Variants in VIL1 observed in about 807,000 individuals in gnomAD.
VIL1 encodes villin 1.
A neutral mutation model predicts 104.0 loss-of-function variants in VIL1; 86 were observed. That is an observed-to-expected ratio of 0.83 (90% CI 0.69 to 0.99). VIL1 has a LOEUF of 0.99. Ranked by LOEUF, VIL1 falls within the 50% of genes least tolerant of loss-of-function variation. The probability of loss-of-function intolerance (pLI) is 0.00; values close to 1 mark genes in which losing one functional copy is unlikely to be tolerated. For missense variants in VIL1, 944 were observed against 1,054.1 expected, an observed-to-expected ratio of 0.90 and a Z score of 1.45; for synonymous variants, 394 against 412.6, an observed-to-expected ratio of 0.95 and a Z score of 0.55.
intron 1 of VIL1, among the ~76,000 whole-genome samples, chr2:218,421,013 G>T (rs928921765): frequency 6.6e-6 from 1 of 152,130 alleles, no homozygotes; most frequent in African/African-American, 2.4e-5. Flanking sequence ...TGGTCAGGGG[G>T]CCAAGAGAAG....
chr2:218,428,108 G>A (rs1388587991), intron 5 of VIL1, 35 bp downstream of exon 5: 1 of 1,607,608 alleles, frequency 6.2e-7, no homozygotes, highest in Non-Finnish European at 8.5e-7. Context: ...GGCCAGGGCT[G>A]TGAGGCCCAG....
At chr2:218,425,312 C>T (rs1190625935) in intron 3 of VIL1, among the ~76,000 whole-genome samples, 1 of 152,312 alleles carries the variant, frequency 6.6e-6, no homozygotes, top group Non-Finnish European at 1.5e-5. Flanking sequence ...AACTCCTGAC[C>T]TCAGGTGATC....
intron 6 of VIL1, 72 bp downstream of exon 6, chr2:218,428,409 T>A: frequency 1.5e-6 from 2 of 1,338,782 alleles, no homozygotes; most frequent in Non-Finnish European, 2.1e-6. Flanking sequence ...TCCCCAGGCC[T>A]CTCCCCGCTG....
chr2:218,423,595 C>T (rs956259001), intron 1 of VIL1, among the ~76,000 whole-genome samples, 173 bp from the exon 2 acceptor site: 4 of 152,028 alleles, frequency 2.6e-5, no homozygotes, highest in East Asian at 1.9e-4. Flanking sequence ...CTAGACACTG[C>T]GGATTTGGTA....
chr2:218,428,532 G>A (rs943318870), intron 6 of VIL1, among the ~76,000 whole-genome samples, 195 bp downstream of exon 6: 1 of 152,210 alleles, frequency 6.6e-6, no homozygotes, highest in South Asian at 2.1e-4. Context: ...GATAGAATGA[G>A]TCTCTACAGT....
At chr2:218,429,566 T>C (rs1559146803) in intron 7 of VIL1, 31 bp from the exon 8 acceptor site, 1 of 1,614,008 alleles carries the variant, frequency 6.2e-7, no homozygotes, top group East Asian at 2.2e-5. Flanking sequence ...TTGGGCCCCC[T>C]CCCCATCTAT....
intron 4 of VIL1, among the ~76,000 whole-genome samples, chr2:218,427,248 G>A (rs2106391127): frequency 6.6e-6 from 1 of 152,040 alleles, no homozygotes; most frequent in Middle Eastern, 3.4e-3. Context: ...CACTGGAGTG[G>A]CACCTCTCCA....
intron 19 of VIL1, among the ~76,000 whole-genome samples, chr2:218,444,338 G>A (rs1385245631): frequency 6.6e-6 from 1 of 151,390 alleles, no homozygotes; most frequent in African/African-American, 2.4e-5. Flanking sequence ...GGAGTGCAGT[G>A]GCACGATCTC....
chr2:218,441,655 G>A (rs1026989103), intron 19 of VIL1, among the ~76,000 whole-genome samples: 1 of 152,044 alleles, frequency 6.6e-6, no homozygotes, highest in Non-Finnish European at 1.5e-5. Flanking sequence ...TATCCTGGTG[G>A]TGAAGGGGAG....
chr2:218,421,462 A>T (rs1193153533), intron 1 of VIL1, among the ~76,000 whole-genome samples: 1 of 152,154 alleles, frequency 6.6e-6, no homozygotes, highest in Non-Finnish European at 1.5e-5. Flanking sequence ...TCAAATCCAA[A>T]CCAGAGTCCA....
rs918921622 is a variant in VIL1 at position 218,451,827 on chromosome 2, A to C, written c.*2491A>C. On this transcript the variant is annotated 3_prime_UTR_variant, in exon 20 of 20. Transcript: ENST00000248444. ...TTTACATTTGTTGTATTTGTTATTG[A>C]GCCTTTAAGGTTAGGCCCAGAATGA... is the stretch of plus-strand genomic sequence containing the variant. The C allele has an allele frequency of 2.0e-5, 3 of 152,650 alleles. No individual in the cohort carries two copies. Among genetic ancestry groups the C allele is most frequent in the Non-Finnish European group, 4.4e-5 (3 of 68,030 alleles). The allele number at this position is 152,650 out of a possible 1,614,324, so 9.5% of individuals were successfully genotyped here.
intron 1 of VIL1, among the ~76,000 whole-genome samples, chr2:218,423,231 A>G (rs1256826498): frequency 6.6e-6 from 1 of 152,152 alleles, no homozygotes. Flanking sequence ...CCCTGTCTCT[A>G]CTAAAAATAC....
intron 2 of VIL1, 45 bp from the exon 3 acceptor site, chr2:218,424,232 C>T (rs1264444451): frequency 1.3e-6 from 2 of 1,582,714 alleles, no homozygotes; most frequent in Non-Finnish European, 1.7e-6. Context: ...GCCTAGGGGT[C>T]CTGGTGGTCC....
chr2:218,427,032 G>A (rs1689014025), intron 4 of VIL1, among the ~76,000 whole-genome samples: 1 of 152,086 alleles, frequency 6.6e-6, no homozygotes, highest in Non-Finnish European at 1.5e-5. Context: ...TTACAGGCAT[G>A]AGCTACCACT....
intron 19 of VIL1, among the ~76,000 whole-genome samples, chr2:218,448,750 A>G (rs1281060153): frequency 2.6e-5 from 4 of 152,030 alleles, no homozygotes; most frequent in African/African-American, 9.7e-5. Flanking sequence ...CACACCTGTA[A>G]TCCCAGCACT....
At chr2:218,438,512 T>G in intron 17 of VIL1, 146 bp from the exon 18 acceptor site, 1 of 698,690 alleles carries the variant, frequency 1.4e-6, no homozygotes, top group Admixed American at 2.7e-5. Flanking sequence ...TCAGGGACCC[T>G]CCTCCAGCCT....
chr2:218,446,287 T>G (rs1373192676), intron 19 of VIL1, among the ~76,000 whole-genome samples: 4 of 152,074 alleles, frequency 2.6e-5, no homozygotes, highest in Non-Finnish European at 5.9e-5. Context: ...CAAGCTGGAG[T>G]GCAGTGCCAT....
At chr2:218,423,992 C>T (rs1688935821) in intron 2 of VIL1, 139 bp downstream of exon 2, 5 of 914,590 alleles carry the variant, frequency 5.5e-6, no homozygotes, top group Non-Finnish European at 1.7e-6. Context: ...TCACCTCCCG[C>T]ATCATCCACA....
intron 2 of VIL1, 86 bp downstream of exon 2, chr2:218,423,939 G>A (rs1398157893): frequency 6.1e-6 from 9 of 1,484,020 alleles, no homozygotes; most frequent in East Asian, 4.6e-5. Flanking sequence ...ATTTCTCTTC[G>A]TTTCCTCTGC....
Sources: gnomAD v4.1 joint callset for allele counts (sites outside exome capture counted in the v4.1 genomes callset) on GRCh38, gnomAD v4.1.1 for gene constraint, MANE v1.5 for transcripts, NCBI Gene and HGNC (gene_info 2026-07-23, HGNC 2026-07-21) for gene names.